SLC6A9: variants seen among roughly 807,000 people sequenced by gnomAD.
The protein encoded by SLC6A9 is solute carrier family 6 member 9.
Under a neutral mutation model 70.9 loss-of-function variants are expected in SLC6A9, and 31 were observed. The observed-to-expected ratio is 0.44, with a 90% CI of 0.33 to 0.59. SLC6A9 has a LOEUF of 0.59. Ranked by LOEUF, SLC6A9 falls within the 20% of genes least tolerant of loss-of-function variation. The pLI, the probability that SLC6A9 is intolerant of heterozygous loss-of-function variation, is 0.04. For missense variants in SLC6A9, 631 were observed against 845.2 expected (o/e 0.75, Z 3.14); for synonymous variants, 310 against 341.3 (o/e 0.91, Z 1.01).
intron 5 of SLC6A9, among the ~76,000 whole-genome samples, chr1:44,007,883 GCTTT>G (rs2086375944): frequency 1.5e-5 from 2 of 131,160 alleles, no homozygotes; most frequent in South Asian, 4.8e-4. Context: ...ATCTTCCATT[GCTTT>G]CTTTCTTTTT....
At chr1:44,010,625 C>G (rs2086529042) in intron 3 of SLC6A9, 101 bp downstream of exon 3, 2 of 1,235,580 alleles carry the variant, frequency 1.6e-6, no homozygotes, top group Non-Finnish European at 2.3e-6. Flanking sequence ...CAGAGGCCAG[C>G]CTTTATCTGG....
Position 44,010,862 on chromosome 1 carries a change from C to T in SLC6A9, c.51G>A (p.Glu17=). 1 of 1,614,222 alleles carries T rather than the reference C, an allele frequency of 6.2e-7. No individual in the cohort carries two copies. Among genetic ancestry groups the T allele is most frequent in the South Asian group, 1.1e-5 (1 of 91,090 alleles). The change falls in exon 3 of 14, where the codon GAG becomes GAA. Residue 17 remains glutamate (E), a synonymous_variant. Coordinates refer to ENST00000372310, the MANE Select transcript of SLC6A9 (RefSeq NM_001024845.3). ...TGAGGTTCTGGTCCCTCTTGGTGGC[C>T]TCGCTGGGCACAGCACCATTCTGTG... The part of the protein sequence containing the change: ...KGMLNGAVPS[E]ATKRDQNLKR...
rs2486002 is a variant in SLC6A9 at position 44,009,736 on chromosome 1, T to C, written c.319+229A>G. On this transcript the variant is annotated intron_variant, in intron 4 of 13. Coordinates refer to ENST00000372310, the MANE Select transcript of SLC6A9 (RefSeq NM_001024845.3). ...TTGGTAGGGGTAAGTTGGCGGGGGG[T>C]GGCGCAAAGGAGTTTTGTGTGTACA... Among the ~76,000 whole-genome samples the C allele has an allele frequency of 0.15, 23,068 of 151,374 alleles. 2,711 individuals are homozygous for C. Among genetic ancestry groups the C allele is most frequent in the African/African-American group, 0.32 (13,120 of 41,318 alleles).
chr1:44,005,461 A>T lies in SLC6A9; in HGVS notation c.591-2476T>A, dbSNP rs531181794. 1.2e-4 allele frequency among the ~76,000 whole-genome samples: 19 copies of T among 152,224 alleles called. No homozygotes were observed. In the East Asian group the frequency reaches 3.7e-3, roughly 29 times the overall value. ...CCTCATTTGTAAAATGGTGATTTTT[A>T]AAATCCCTACACAAGCTACCTAACA... On this transcript the variant is annotated intron_variant, in intron 5 of 13. Coordinates refer to ENST00000372310, the MANE Select transcript of SLC6A9 (RefSeq NM_001024845.3).
In SLC6A9 at chr1:44,023,031, T is replaced by G. The variant is rs186209869; in HGVS notation, c.30+1217A>C. The stretch of plus-strand genomic sequence containing the variant: ...CAAGTTGTTCTTTTAAACCAGGTAC[T>G]TTGAGTCCCAGAAATCTTTGGTGAG... On this transcript the variant is annotated intron_variant, in intron 2 of 13. Transcript: ENST00000372310. Among the ~76,000 whole-genome samples, 188 of 152,254 alleles carry G rather than the reference T, an allele frequency of 1.2e-3. 3 individuals carry two copies. Among genetic ancestry groups the G allele is most frequent in the African/African-American group, 4.4e-3 (181 of 41,554 alleles).
chr1:44,008,679 G>A lies in SLC6A9; in HGVS notation c.320-56C>T, dbSNP rs534824424. 5 of 1,384,008 alleles carry A rather than the reference G, an allele frequency of 3.6e-6. No individual in the cohort carries two copies. The African/African-American group carries it at 4.4e-5, about 12-fold the overall frequency. The allele number at this position is 1,384,008 out of a possible 1,614,324, so 85.7% of individuals were successfully genotyped here. A position where few individuals can be genotyped will look rare whatever the true frequency, so the allele number is the denominator to read the frequency against. ...CTCAGCATCCAGCAGGAGGAGGTGA[G>A]GTTAATAATTTCTTTTTTTTCTTTT... On this transcript the variant is annotated intron_variant, in intron 4 of 13. Coordinates refer to ENST00000372310, the MANE Select transcript of SLC6A9 (RefSeq NM_001024845.3).
intron 2 of SLC6A9, among the ~76,000 whole-genome samples, chr1:44,020,730 C>G (rs959835407): frequency 6.6e-6 from 1 of 152,218 alleles, no homozygotes; most frequent in African/African-American, 2.4e-5. Context: ...GGTGAGTCCC[C>G]ACTATGTGCC....
rs369000035 is a variant in SLC6A9, at chr1:44,017,079, G to A, written c.31-6197C>T. 9.4e-6 allele frequency: 15 copies of A among 1,603,522 alleles called. No individual in the cohort carries two copies. Among genetic ancestry groups the A allele is most frequent in the African/African-American group, 1.3e-5 (1 of 74,252 alleles). On this transcript the variant is annotated intron_variant, in intron 2 of 13. Transcript: ENST00000372310. ...GGGGAAGAGGGGGCCACAGGTCCAT[G>A]AGCCGCGGCCATCCTGGGGCGAGCG...
Position 44,024,371 on chromosome 1 carries a change from A to G in SLC6A9, c.-85-9T>C. ...GCCACAGATCTCAAGAGCTGTGGAG[A>G]GAGCAGAGGGTGAGGTGAGGACTTG... On this transcript the variant is annotated splice_polypyrimidine_tract_variant and intron_variant, in intron 1 of 13. Transcript: ENST00000372310. 2.0e-6 allele frequency: 3 copies of G among 1,500,804 alleles called. No individual in the cohort carries two copies. The South Asian group carries it at 3.4e-5, about 17-fold the overall frequency. 93.0% of individuals were successfully genotyped at this position (1,500,804 alleles called of 1,614,324 possible).
At chr1:44,015,191 C>G (rs543479238) in intron 2 of SLC6A9, among the ~76,000 whole-genome samples, 60 of 152,358 alleles carry the variant, frequency 3.9e-4, no homozygotes, top group South Asian at 8.3e-4. Context: ...AAGCCTACTC[C>G]CAGAGCGAAC....
At chr1:44,021,898 C>T (rs1488982215) in intron 2 of SLC6A9, among the ~76,000 whole-genome samples, 2 of 152,138 alleles carry the variant, frequency 1.3e-5, no homozygotes, top group Admixed American at 1.3e-4. Flanking sequence ...AACTGGAACC[C>T]AAGAATAGAG....
chr1:44,027,132 C>T (rs368217093), intron 1 of SLC6A9, among the ~76,000 whole-genome samples: 3 of 152,252 alleles, frequency 2.0e-5, no homozygotes, highest in East Asian at 3.9e-4. Flanking sequence ...AGATCCACAA[C>T]ACCAGGCCCC....
intron 2 of SLC6A9, chr1:44,016,682 G>A (rs1054472752): frequency 5.5e-6 from 1 of 182,422 alleles, no homozygotes; most frequent in Non-Finnish European, 1.1e-5. Context: ...AGGAGTAACT[G>A]CCGTGGCACA....
chr1:44,001,676 C>A, intron 8 of SLC6A9, 49 bp from the exon 9 acceptor site: 1 of 1,426,708 alleles, frequency 7.0e-7, no homozygotes, highest in Non-Finnish European at 9.7e-7. Context: ...CAATTTGGGC[C>A]AAGAGGAGAC....
At chr1:44,027,293 G>A (rs561704523) in intron 1 of SLC6A9, among the ~76,000 whole-genome samples, 3 of 152,184 alleles carry the variant, frequency 2.0e-5, no homozygotes, top group Non-Finnish European at 2.9e-5. Flanking sequence ...ATGTGATTTC[G>A]AGTAAGTTAC....
At chr1:44,031,112 A>C in intron 1 of SLC6A9, among the ~76,000 whole-genome samples, 194 bp downstream of exon 1, 1 of 151,422 alleles carries the variant, frequency 6.6e-6, no homozygotes, top group Non-Finnish European at 1.5e-5. Context: ...CGAGACAGAC[A>C]TCCCGGTGCG....
rs548365911 is a variant in SLC6A9, at chr1:44,017,269, G to A, written c.31-6387C>T. The A allele has an allele frequency of 9.2e-5, 138 of 1,496,762 alleles. No individual in the cohort carries two copies. In the South Asian group the frequency reaches 1.3e-3, roughly 15 times the overall value. The allele number at this position is 1,496,762 out of a possible 1,614,324, so 92.7% of individuals were successfully genotyped here. A position where few individuals can be genotyped will look rare whatever the true frequency, so the allele number is the denominator to read the frequency against. On this transcript the variant is annotated intron_variant, in intron 2 of 13. Transcript: ENST00000372310. ...CCCGCTCCCCTGGCCCTGCCCCTCC[G>A]GCCAGTCCCCATGCAGCCCAGCACG... is the stretch of plus-strand genomic sequence containing the variant.
chr1:44,004,288 G>T (rs557476052), intron 5 of SLC6A9, among the ~76,000 whole-genome samples: 1 of 144,206 alleles, frequency 6.9e-6, no homozygotes, highest in Admixed American at 6.9e-5. Flanking sequence ...GAGCCACCAC[G>T]CCTGGCCTGA....
chr1:44,008,693 T>C lies in SLC6A9; in HGVS notation c.320-70A>G, dbSNP rs548149829. ...GGAGGAGGTGAGGTTAATAATTTCTTTTTTTTCTTTTCTTTTCTTTTTTTT... is the reference window on the plus strand; with the variant it reads ...GGAGGAGGTGAGGTTAATAATTTCTCTTTTTTCTTTTCTTTTCTTTTTTTT... On this transcript the variant is annotated intron_variant, in intron 4 of 13. Transcript: ENST00000372310. 814 of 1,275,332 alleles carry C rather than the reference T, an allele frequency of 6.4e-4. 7 individuals are homozygous for C. The East Asian group carries it at 0.019, about 30-fold the overall frequency. The allele number at this position is 1,275,332 out of a possible 1,614,324, so 79.0% of individuals were successfully genotyped here.
Sources: gnomAD v4.1 joint callset for allele counts (sites outside exome capture counted in the v4.1 genomes callset) on GRCh38, gnomAD v4.1.1 for gene constraint, MANE v1.5 for transcripts, NCBI Gene and HGNC (gene_info 2026-07-23, HGNC 2026-07-21) for gene names.